The following WWOX variants were observed in gnomAD, a reference collection of about 807,000 sequenced individuals.
WWOX encodes the protein WW domain containing oxidoreductase, also known as WW domain-containing oxidoreductase.
A neutral mutation model predicts 46.2 loss-of-function variants in WWOX; 69 were observed. The observed-to-expected ratio is 1.49, with a 90% CI of 1.23 to 1.82. The LOEUF (loss-of-function observed/expected upper bound fraction) is 1.82, where lower values mean the gene tolerates loss of function less well. Ranked by LOEUF, WWOX falls within the 40% of genes most tolerant of loss-of-function variation. The probability of loss-of-function intolerance (pLI) is 0.00; values close to 1 mark genes in which losing one functional copy is unlikely to be tolerated. For missense variants in WWOX, 919 were observed against 542.6 expected, an observed-to-expected ratio of 1.69 and a Z score of -6.89; for synonymous variants, 359 against 202.6, an observed-to-expected ratio of 1.77 and a Z score of -6.56.
rs180965940 is a variant in WWOX at position 78,948,408 on chromosome 16, G to C, written c.1057-263200G>C. 5.6e-4 allele frequency among the ~76,000 whole-genome samples: 86 copies of C among 152,274 alleles called. 1 individual carries two copies. The Middle Eastern group carries it at 0.014, about 24-fold the overall frequency. ...AGATCTCAGAACTTGTATCTTTTCTGGGTGGCTAGACTGAAAAATCCATTT... is the reference window on the plus strand; with the variant it reads ...AGATCTCAGAACTTGTATCTTTTCTCGGTGGCTAGACTGAAAAATCCATTT... On this transcript the variant is annotated intron_variant, in intron 8 of 8. Coordinates refer to ENST00000566780, the MANE Select transcript of WWOX (RefSeq NM_016373.4).
intron 8 of WWOX, among the ~76,000 whole-genome samples, chr16:79,068,961 G>T (rs1200054715): frequency 6.6e-6 from 1 of 152,150 alleles, no homozygotes; most frequent in African/African-American, 2.4e-5. Context: ...TTTCACAGTT[G>T]TCTTACGCAC....
At position 78,432,647 on chromosome 16, in the gene WWOX, G is replaced by T. The variant is rs759801417; in HGVS notation, c.951G>T (p.Thr317=). ...GTCGCCTCTCCCCACGCGGGGTCAC[G>T]TCGAACGCAGTGCATCCTGGAAATA... ...LHRRLSPRGV[T]SNAVHPGNMM... The change falls in exon 8 of 9, where the codon ACG becomes ACT. Residue 317 remains threonine (T), a synonymous_variant. Coordinates refer to ENST00000566780, the MANE Select transcript of WWOX (RefSeq NM_016373.4). The T allele has an allele frequency of 1.9e-6, 3 of 1,614,232 alleles. No homozygotes were observed. Among genetic ancestry groups the T allele is most frequent in the Admixed American group, 3.3e-5 (2 of 60,036 alleles).
chr16:79,207,458 C>G (rs191856060), intron 8 of WWOX, among the ~76,000 whole-genome samples: 4 of 152,236 alleles, frequency 2.6e-5, no homozygotes, highest in Admixed American at 6.5e-5. Context: ...CAAGCCTAAT[C>G]TAACTTCCAG....
At chr16:78,566,137 G>C (rs1013571096) in intron 8 of WWOX, among the ~76,000 whole-genome samples, 1 of 152,128 alleles carries the variant, frequency 6.6e-6, no homozygotes, top group Non-Finnish European at 1.5e-5. Context: ...ATGGCAGAGA[G>C]AGGAAGGGGT....
chr16:78,124,769 G>T (rs942941314), intron 4 of WWOX, among the ~76,000 whole-genome samples: 1 of 152,094 alleles, frequency 6.6e-6, no homozygotes, highest in Non-Finnish European at 1.5e-5. Context: ...GTGCTTGATG[G>T]TTTTACTTTT....
chr16:78,745,233 G>T (rs1377466630), intron 8 of WWOX, among the ~76,000 whole-genome samples: 1 of 152,206 alleles, frequency 6.6e-6, no homozygotes, highest in African/African-American at 2.4e-5. Flanking sequence ...AGTTCTTCCT[G>T]TTGGTGGACT....
chr16:78,324,893 C>G (rs987807728), intron 5 of WWOX, among the ~76,000 whole-genome samples: 2 of 152,222 alleles, frequency 1.3e-5, no homozygotes, highest in African/African-American at 4.8e-5. Context: ...TTGAATTATA[C>G]AATTTTAAAT....
intron 8 of WWOX, among the ~76,000 whole-genome samples, chr16:78,871,169 GGTT>G (rs2044119980): frequency 7.0e-6 from 1 of 143,750 alleles, no homozygotes; most frequent in South Asian, 2.1e-4. Context: ...CTTTCGTGAA[GGTT>G]GTTTTTTTTT....
At chr16:78,512,639 A>T (rs576066978) in intron 8 of WWOX, among the ~76,000 whole-genome samples, 5 of 152,302 alleles carry the variant, frequency 3.3e-5, no homozygotes, top group Admixed American at 1.3e-4. Flanking sequence ...AAAGGATGAG[A>T]AAGATTTCTG....
chr16:78,161,969 C>A (rs1470537847), intron 4 of WWOX, among the ~76,000 whole-genome samples: 1 of 152,132 alleles, frequency 6.6e-6, no homozygotes, highest in Non-Finnish European at 1.5e-5. Flanking sequence ...TATTTTAAAA[C>A]TCACAGATTT....
At chr16:78,657,434 T>C (rs1475095806) in intron 8 of WWOX, among the ~76,000 whole-genome samples, 1 of 152,120 alleles carries the variant, frequency 6.6e-6, no homozygotes, top group Non-Finnish European at 1.5e-5. Flanking sequence ...AGAACAATAT[T>C]GGACAAGCTT....
chr16:79,089,576 C>T (rs977159406), intron 8 of WWOX, among the ~76,000 whole-genome samples: 5 of 152,088 alleles, frequency 3.3e-5, no homozygotes, highest in East Asian at 1.9e-4. Context: ...ATGATCTGCC[C>T]GCCTCAAAGT....
chr16:78,194,044 AT>A, intron 5 of WWOX, among the ~76,000 whole-genome samples: 1 of 147,598 alleles, frequency 6.8e-6, no homozygotes. Flanking sequence ...AGCCCGGCTA[AT>A]TTTTTTGTAT....
chr16:79,115,204 T>A (rs1260960510), intron 8 of WWOX, among the ~76,000 whole-genome samples: 1 of 152,228 alleles, frequency 6.6e-6, no homozygotes, highest in Non-Finnish European at 1.5e-5. Context: ...TTGCTTGATT[T>A]GATTTGCCCT....
chr16:78,425,298 A>G (rs1228828948), intron 7 of WWOX, among the ~76,000 whole-genome samples: 1 of 152,052 alleles, frequency 6.6e-6, no homozygotes, highest in African/African-American at 2.4e-5. Context: ...CTCCTCATTG[A>G]TTTTGCTTAG....
At chr16:78,747,413 C>G (rs916940138) in intron 8 of WWOX, among the ~76,000 whole-genome samples, 2 of 152,070 alleles carry the variant, frequency 1.3e-5, no homozygotes, top group South Asian at 4.1e-4. Context: ...CCTACCCTGA[C>G]CATCCTACTT....
chr16:78,336,346 A>C (rs1315506112), intron 5 of WWOX, among the ~76,000 whole-genome samples: 1 of 132,994 alleles, frequency 7.5e-6, no homozygotes, highest in Non-Finnish European at 1.7e-5. Flanking sequence ...AAAAAAAAAA[A>C]ACCACAACAA....
intron 5 of WWOX, among the ~76,000 whole-genome samples, chr16:78,308,115 T>C (rs913139400): frequency 2.4e-4 from 36 of 152,136 alleles, no homozygotes; most frequent in African/African-American, 8.0e-4. Flanking sequence ...TTTTCTCTCA[T>C]GGTGAGAGCT....
At chr16:78,738,786 C>T (rs1053070320) in intron 8 of WWOX, among the ~76,000 whole-genome samples, 1 of 152,116 alleles carries the variant, frequency 6.6e-6, no homozygotes, top group Non-Finnish European at 1.5e-5. Context: ...AACCCTAGAG[C>T]CATTGCCTTG....
Sources: gnomAD v4.1 joint callset for allele counts (sites outside exome capture counted in the v4.1 genomes callset) on GRCh38, gnomAD v4.1.1 for gene constraint, MANE v1.5 for transcripts, NCBI Gene and HGNC (gene_info 2026-07-23, HGNC 2026-07-21) for gene names.